The following TEKT5 variants were observed in gnomAD, a reference collection of about 807,000 sequenced individuals.
The protein encoded by TEKT5 is tektin 5.
A neutral mutation model predicts 48.7 loss-of-function variants in TEKT5; 52 were observed. The observed-to-expected ratio is 1.07, with a 90% CI of 0.86 to 1.35. TEKT5 has a LOEUF of 1.35. Among genes scored for constraint, TEKT5 ranks in the 40% most tolerant of loss-of-function variants. The pLI, the probability that TEKT5 is intolerant of heterozygous loss-of-function variation, is 0.00. For synonymous variants in TEKT5, 318 were observed against 267.6 expected (o/e 1.19, Z -1.84); for missense variants, 831 against 641.6 (o/e 1.30, Z -3.19).
At chr16:10,674,825 A>AT (rs58966813) in intron 5 of TEKT5, among the ~76,000 whole-genome samples, 2,890 of 140,788 alleles carry the variant, frequency 0.021, 73 homozygotes, top group African/African-American at 0.064. Flanking sequence ...CACAGTTCTT[A>AT]TTTTTTTTTT....
At chr16:10,679,089 G>C (rs1436850021) in intron 4 of TEKT5, among the ~76,000 whole-genome samples, 1 of 152,170 alleles carries the variant, frequency 6.6e-6, no homozygotes, top group Non-Finnish European at 1.5e-5. Flanking sequence ...TTGTAAAATG[G>C]AGATAATAAT....
chr16:10,655,657 G>C (rs917447924), intron 5 of TEKT5, among the ~76,000 whole-genome samples: 1 of 152,154 alleles, frequency 6.6e-6, no homozygotes, highest in African/African-American at 2.4e-5. Context: ...TCAAAATGTT[G>C]TTTGGGACTC....
intron 5 of TEKT5, 68 bp from the exon 6 acceptor site, chr16:10,635,986 G>C: frequency 1.3e-6 from 2 of 1,581,786 alleles, no homozygotes; most frequent in Non-Finnish European, 1.7e-6. Flanking sequence ...GGGGGCCTGG[G>C]GGGAGCAAGT....
At chr16:10,690,399 C>T (rs149158514) in intron 1 of TEKT5, among the ~76,000 whole-genome samples, 75 of 152,324 alleles carry the variant, frequency 4.9e-4, no homozygotes, top group African/African-American at 8.7e-4. Context: ...CGGCCATCTT[C>T]CATGTAGCTT....
chr16:10,682,058 G>C lies in TEKT5; in HGVS notation c.798C>G (p.Cys266Trp), dbSNP rs145053307. Residue 266 changes from cysteine to tryptophan, a missense_variant, in exon 4 of 7, where the codon TGC (cysteine) becomes TGG (tryptophan). By Grantham distance (215) the Cys-to-Trp change is radical. Coordinates refer to ENST00000283025, the MANE Select transcript of TEKT5 (RefSeq NM_144674.2). The part of the protein sequence containing the change: ...KSSAQCIDEK[C>W]FNLRNTSDCI... ...AGTCTGACGTATTTCTCAGGTTAAA[G>C]CACTTCTCATCGATACACTGGGCCG... is the stretch of plus-strand genomic sequence containing the variant. 53 of 1,614,078 alleles carry C rather than the reference G, an allele frequency of 3.3e-5. No individual in the cohort carries two copies. Among genetic ancestry groups the C allele is most frequent in the Admixed American group, 1.2e-4 (7 of 60,004 alleles).
intron 1 of TEKT5, among the ~76,000 whole-genome samples, chr16:10,693,426 G>T (rs952797123): frequency 6.6e-6 from 1 of 152,206 alleles, no homozygotes; most frequent in Non-Finnish European, 1.5e-5. Context: ...TATTCAGCAT[G>T]TATTTATTGA....
intron 6 of TEKT5, among the ~76,000 whole-genome samples, chr16:10,629,571 G>C (rs935518250): frequency 5.9e-5 from 9 of 152,030 alleles, no homozygotes; most frequent in African/African-American, 2.2e-4. Flanking sequence ...TTAATAAACA[G>C]GATAACAGGG....
rs766700609 is a variant in TEKT5, at chr16:10,675,965, C to T, written c.1080G>A (p.Leu360=). ...TDVKNKLQTQ[L]AKTLQEIFQA... ...CCTGGGAGGATCTGCTCACCTTCGCCAGCTGCGTCTGCAGCTTATTCTTCA... is the reference window on the plus strand; with the variant it reads ...CCTGGGAGGATCTGCTCACCTTCGCTAGCTGCGTCTGCAGCTTATTCTTCA... Residue 360 remains leucine (L), a synonymous_variant, in exon 5 of 7, where the codon CTG becomes CTA. Coordinates refer to ENST00000283025, the MANE Select transcript of TEKT5 (RefSeq NM_144674.2). 6.2e-7 allele frequency: 1 copy of T among 1,614,002 alleles called. No individual in the cohort carries two copies. The highest frequency in any genetic ancestry group is 1.7e-5 in the Admixed American group (1 of 60,024).
intron 5 of TEKT5, among the ~76,000 whole-genome samples, chr16:10,672,461 CG>C (rs893135569): frequency 4.0e-5 from 6 of 151,872 alleles, no homozygotes; most frequent in African/African-American, 1.5e-4. Context: ...GGCGTGATGG[CG>C]GGGGGTGTCT....
At chr16:10,667,079 G>A (rs201893624) in intron 5 of TEKT5, among the ~76,000 whole-genome samples, 2 of 151,030 alleles carry the variant, frequency 1.3e-5, no homozygotes, top group East Asian at 3.9e-4. Context: ...GGCCTCCTGG[G>A]CTCAAGTGAT....
intron 4 of TEKT5, among the ~76,000 whole-genome samples, chr16:10,676,922 G>C (rs2142302482): frequency 6.6e-6 from 1 of 152,328 alleles, no homozygotes; most frequent in South Asian, 2.1e-4. Context: ...GGCCAGCCAT[G>C]CCTCTAATCC....
chr16:10,687,294 C>A (rs1001024187), intron 3 of TEKT5, among the ~76,000 whole-genome samples: 1 of 152,024 alleles, frequency 6.6e-6, no homozygotes, highest in Admixed American at 6.6e-5. Flanking sequence ...GAAATACACA[C>A]GTAATTTCAG....
At chr16:10,628,083 T>C (rs1162356163) in intron 6 of TEKT5, among the ~76,000 whole-genome samples, 1 of 152,138 alleles carries the variant, frequency 6.6e-6, no homozygotes, top group Non-Finnish European at 1.5e-5. Context: ...TGACCTCAGT[T>C]GATCCACTTG....
At chr16:10,691,829 T>C (rs1898983805) in intron 1 of TEKT5, among the ~76,000 whole-genome samples, 1 of 150,850 alleles carries the variant, frequency 6.6e-6, no homozygotes, top group Admixed American at 6.7e-5. Flanking sequence ...GCGCCTGTAG[T>C]CCCAGCTACT....
chr16:10,627,564 T>A lies in TEKT5; in HGVS notation c.*19A>T, dbSNP rs867050719. On this transcript the variant is annotated 3_prime_UTR_variant, in exon 7 of 7. Coordinates refer to ENST00000283025, the MANE Select transcript of TEKT5 (RefSeq NM_144674.2). ...TTTCCAATTTTACGCCAGCGCGGAA[T>A]GAGGCGCCAGGGCGGTGCTCAGGTG... is the stretch of plus-strand genomic sequence containing the variant. 8.1e-6 allele frequency: 13 copies of A among 1,612,450 alleles called. No individual in the cohort carries two copies. The highest frequency in any genetic ancestry group is 1.7e-4 in the Middle Eastern group (1 of 6,022).
intron 3 of TEKT5, among the ~76,000 whole-genome samples, chr16:10,688,755 C>G (rs773081149): frequency 1.3e-4 from 20 of 152,342 alleles, no homozygotes; most frequent in Admixed American, 3.9e-4. Flanking sequence ...CTTGTAAGAA[C>G]AAAAAGCTGA....
At chr16:10,650,024 C>T (rs1374421681) in intron 5 of TEKT5, among the ~76,000 whole-genome samples, 2 of 151,916 alleles carry the variant, frequency 1.3e-5, no homozygotes, top group African/African-American at 4.8e-5. Context: ...TTCTTCCTCC[C>T]CCTGGTCTCC....
chr16:10,675,597 G>A (rs1361602584), intron 5 of TEKT5, among the ~76,000 whole-genome samples: 7 of 152,164 alleles, frequency 4.6e-5, no homozygotes, highest in South Asian at 2.1e-4. Flanking sequence ...TGCTGTGGAC[G>A]GAGAAGATGT....
intron 5 of TEKT5, among the ~76,000 whole-genome samples, chr16:10,674,947 C>T (rs1172965239): frequency 2.0e-5 from 3 of 151,964 alleles, no homozygotes; most frequent in Middle Eastern, 3.2e-3. Context: ...CCTCAACCTC[C>T]CCAAGTAGCT....
Sources: allele counts gnomAD v4.1 joint callset (sites outside exome capture counted in the v4.1 genomes callset), GRCh38; gene constraint gnomAD v4.1.1; transcripts MANE v1.5; gene names NCBI Gene and HGNC (gene_info 2026-07-23, HGNC 2026-07-21).